The following IPO11 variants were observed in gnomAD, a reference collection of about 807,000 sequenced individuals.
IPO11 encodes importin 11.
A neutral mutation model predicts 143.2 loss-of-function variants in IPO11; 66 were observed. The ratio of observed to expected loss-of-function variants is 0.46; its 90% CI spans 0.38 to 0.57. IPO11 has a LOEUF of 0.57. Among genes scored for constraint, IPO11 ranks in the 20% least tolerant of loss-of-function variants. IPO11 has a pLI of 0.00. For synonymous variants in IPO11, 385 were observed against 377.8 expected, an observed-to-expected ratio of 1.02 and a Z score of -0.22; for missense variants, 1,026 against 1,141.0, an observed-to-expected ratio of 0.90 and a Z score of 1.45.
intron 5 of IPO11, among the ~76,000 whole-genome samples, chr5:62,461,331 G>A (rs944686339): frequency 2.6e-5 from 4 of 152,272 alleles, no homozygotes; most frequent in South Asian, 2.1e-4. Flanking sequence ...GATTCTTGCC[G>A]AAAGCAACCT....
chr5:62,425,070 A>C (rs904589009), intron 1 of IPO11, among the ~76,000 whole-genome samples: 2 of 152,136 alleles, frequency 1.3e-5, no homozygotes, highest in Non-Finnish European at 2.9e-5. Flanking sequence ...TTTGAATCTC[A>C]TCTTTCTCGC....
At chr5:62,504,497 C>T (rs1435245766) in intron 16 of IPO11, among the ~76,000 whole-genome samples, 170 bp from the exon 17 acceptor site, 1 of 152,014 alleles carries the variant, frequency 6.6e-6, no homozygotes, top group African/African-American at 2.4e-5. Flanking sequence ...TCTTTTTATT[C>T]CTTGCTTTGG....
chr5:62,528,221 GT>G (rs1442967685), intron 21 of IPO11, among the ~76,000 whole-genome samples: 1 of 152,154 alleles, frequency 6.6e-6, no homozygotes, highest in Non-Finnish European at 1.5e-5. Context: ...AGAGGAGAAT[GT>G]TTCCTAAAAG....
chr5:62,538,609 G>C (rs895178304), intron 24 of IPO11, among the ~76,000 whole-genome samples: 1 of 152,142 alleles, frequency 6.6e-6, no homozygotes, highest in Non-Finnish European at 1.5e-5. Context: ...TAAGTTTCCT[G>C]AGGCCTCCCC....
chr5:62,435,142 A>G (rs1224646452), intron 1 of IPO11, among the ~76,000 whole-genome samples: 6 of 60,022 alleles, frequency 1.0e-4, no homozygotes, highest in East Asian at 5.1e-4. Context: ...ATATGTATAT[A>G]TGTATATATG....
chr5:62,593,556 A>G (rs1399023315), intron 28 of IPO11, among the ~76,000 whole-genome samples: 8 of 152,210 alleles, frequency 5.3e-5, no homozygotes, highest in Admixed American at 3.9e-4. Flanking sequence ...AGATGAGTCA[A>G]GGTCTCCATG....
At chr5:62,579,633 G>C in intron 27 of IPO11, 1 of 1,549,902 alleles carries the variant, frequency 6.5e-7, no homozygotes, top group Non-Finnish European at 8.7e-7. Flanking sequence ...CAGTTTTTCT[G>C]TATCTGACTG....
intron 9 of IPO11, among the ~76,000 whole-genome samples, chr5:62,479,213 T>C (rs1433032614): frequency 6.6e-6 from 1 of 152,200 alleles, no homozygotes; most frequent in Non-Finnish European, 1.5e-5. Flanking sequence ...TGCGATAGTA[T>C]GCTCAGAATG....
chr5:62,426,095 G>T (rs1743730947), intron 1 of IPO11, among the ~76,000 whole-genome samples: 1 of 152,046 alleles, frequency 6.6e-6, no homozygotes, highest in Non-Finnish European at 1.5e-5. Flanking sequence ...TGACAAAATT[G>T]TTGCTTACCG....
At chr5:62,443,616 T>C (rs1744590937) in intron 3 of IPO11, among the ~76,000 whole-genome samples, 2 of 149,568 alleles carry the variant, frequency 1.3e-5, no homozygotes. Context: ...GAAAGAGAAA[T>C]ATAAGGTTAG....
At chr5:62,544,706 C>A (rs1400002974) in intron 24 of IPO11, among the ~76,000 whole-genome samples, 1 of 152,146 alleles carries the variant, frequency 6.6e-6, no homozygotes, top group Non-Finnish European at 1.5e-5. Flanking sequence ...AAAACCCCAT[C>A]ATCTCAGCCC....
At chr5:62,579,583 T>C in intron 27 of IPO11, 1 of 1,551,212 alleles carries the variant, frequency 6.4e-7, no homozygotes, top group Non-Finnish European at 8.7e-7. Context: ...CTGCCGTAAC[T>C]TAGGCCTTTC....
chr5:62,495,821 G>A (rs954923156), intron 16 of IPO11, among the ~76,000 whole-genome samples: 1 of 151,896 alleles, frequency 6.6e-6, no homozygotes, highest in Non-Finnish European at 1.5e-5. Context: ...TATTAAAAAA[G>A]GAAAGAGAAA....
intron 5 of IPO11, 48 bp from the exon 6 acceptor site, chr5:62,467,083 T>C (rs903597631): frequency 2.0e-6 from 3 of 1,510,886 alleles, no homozygotes; most frequent in Non-Finnish European, 2.7e-6. Flanking sequence ...AATGTATTAC[T>C]GAAATGTATA....
intron 20 of IPO11, among the ~76,000 whole-genome samples, chr5:62,520,322 A>G (rs752119855): frequency 1.3e-5 from 2 of 152,138 alleles, no homozygotes; most frequent in Non-Finnish European, 2.9e-5. Flanking sequence ...TGTTATCTAC[A>G]CATTTCCTCA....
chr5:62,584,839 C>G (rs1467599775), intron 27 of IPO11, among the ~76,000 whole-genome samples: 2 of 151,138 alleles, frequency 1.3e-5, no homozygotes, highest in African/African-American at 2.4e-5. Flanking sequence ...ATGTGGGAAG[C>G]CTGGTAGGTT....
chr5:62,574,021 G>C (rs1204993708), intron 27 of IPO11, among the ~76,000 whole-genome samples: 2 of 152,068 alleles, frequency 1.3e-5, no homozygotes, highest in African/African-American at 2.4e-5. Flanking sequence ...GGTCCTTAAG[G>C]CATCCCATTT....
intron 27 of IPO11, chr5:62,562,006 T>G (rs929007695): frequency 1.3e-5 from 2 of 152,220 alleles, no homozygotes; most frequent in Non-Finnish European, 2.9e-5. Flanking sequence ...TTTGGTTTAG[T>G]CAGCTTGATT....
At chr5:62,546,640 G>T (rs1331567657) in intron 24 of IPO11, among the ~76,000 whole-genome samples, 5 of 151,880 alleles carry the variant, frequency 3.3e-5, no homozygotes. Context: ...GGTGTATTTC[G>T]AAAGGGAATG....
Sources: gnomAD v4.1 joint callset for allele counts (sites outside exome capture counted in the v4.1 genomes callset) on GRCh38, gnomAD v4.1.1 for gene constraint, MANE v1.5 for transcripts, NCBI Gene and HGNC (gene_info 2026-07-23, HGNC 2026-07-21) for gene names.